Variants in IL1RAP observed in about 807,000 individuals in gnomAD.
The protein encoded by IL1RAP is interleukin-1 receptor accessory protein.
In IL1RAP, 35 loss-of-function variants were observed where a neutral mutation model predicts 60.7. That is an observed-to-expected ratio of 0.58 (90% confidence interval 0.44 to 0.76). The LOEUF is 0.76. IL1RAP is among the 30% of genes least tolerant of loss of function. The pLI, the probability that IL1RAP is intolerant of heterozygous loss-of-function variation, is 0.00. For missense variants in IL1RAP, 572 were observed against 693.9 expected, an observed-to-expected ratio of 0.82 and a Z score of 1.97; for synonymous variants, 268 against 250.9, an observed-to-expected ratio of 1.07 and a Z score of -0.64.
intron 1 of IL1RAP, among the ~76,000 whole-genome samples, chr3:190,525,145 T>A (rs536192063): frequency 6.6e-6 from 1 of 152,122 alleles, no homozygotes; most frequent in Non-Finnish European, 1.5e-5. Context: ...GATGAAAATA[T>A]GTACATATGA....
At chr3:190,520,303 A>T (rs568883521) in intron 1 of IL1RAP, among the ~76,000 whole-genome samples, 7 of 152,126 alleles carry the variant, frequency 4.6e-5, no homozygotes, top group Non-Finnish European at 8.8e-5. Flanking sequence ...GACTTTCTGG[A>T]TTTCTCGTGC....
At chr3:190,645,876 C>T in intron 11 of IL1RAP, 34 bp downstream of exon 11, 1 of 1,575,884 alleles carries the variant, frequency 6.3e-7, no homozygotes, top group Non-Finnish European at 8.7e-7. Flanking sequence ...ATGATGCTAC[C>T]TTGAAAGGCA....
chr3:190,568,334 G>A lies in IL1RAP; in HGVS notation c.64+3981G>A, dbSNP rs190940563. 3.3e-5 allele frequency among the ~76,000 whole-genome samples: 5 copies of A among 152,268 alleles called. No individual in the cohort carries two copies. In the East Asian group the frequency reaches 9.7e-4, roughly 29 times the overall value. ...GGAGGTGGCCCAAGTGCTCATGATA[G>A]CCTGGCTTGCCTGATAGAGCCAGGC... On this transcript the variant is annotated intron_variant, in intron 3 of 11. Coordinates refer to ENST00000447382, the MANE Select transcript of IL1RAP (RefSeq NM_002182.4).
Position 190,614,817 on chromosome 3 carries a change from C to T in IL1RAP, c.538-5458C>T, listed in dbSNP as rs756994164. On this transcript the variant is annotated intron_variant, in intron 5 of 11. Coordinates refer to ENST00000447382, the MANE Select transcript of IL1RAP (RefSeq NM_002182.4). Reference sequence around the variant, plus strand: ...CTAGAACTGATGTAAGGAGGGTGGTCCAGCCTTTACTTTTGGAGCTTAGGA... The same window carrying T: ...CTAGAACTGATGTAAGGAGGGTGGTTCAGCCTTTACTTTTGGAGCTTAGGA... Among the ~76,000 whole-genome samples, 101 of 152,066 alleles carry T rather than the reference C, an allele frequency of 6.6e-4. 1 individual carries two copies. The highest frequency in any genetic ancestry group is 1.2e-3 in the Non-Finnish European group (79 of 68,008).
intron 1 of IL1RAP, chr3:190,518,154 C>T (rs1369604770): frequency 6.6e-6 from 1 of 150,840 alleles, no homozygotes; most frequent in Non-Finnish European, 1.5e-5. Context: ...TTTGGTCTGA[C>T]TTTATTCTAA....
rs1039640362 is a variant in IL1RAP, at chr3:190,559,586, C to T, written c.-2+3370C>T. Among the ~76,000 whole-genome samples, 7 of 152,182 alleles carry T rather than the reference C, an allele frequency of 4.6e-5. No homozygotes were observed. In the South Asian group the frequency reaches 6.2e-4, roughly 14 times the overall value. On this transcript the variant is annotated intron_variant, in intron 2 of 11. Coordinates refer to ENST00000447382, the MANE Select transcript of IL1RAP (RefSeq NM_002182.4). ...TTGGTATGTTTTATTTTATTTTTGTCAAGTTAGAAATATTTTCTAATTTCC... is the reference window on the plus strand; with the variant it reads ...TTGGTATGTTTTATTTTATTTTTGTTAAGTTAGAAATATTTTCTAATTTCC...
chr3:190,627,405 A>C lies in IL1RAP; in HGVS notation c.858A>C (p.Gly286=), dbSNP rs755296387. The change falls in exon 8 of 12, where the codon GGA becomes GGC. Residue 286 remains glycine, a synonymous_variant. Coordinates refer to ENST00000447382, the MANE Select transcript of IL1RAP (RefSeq NM_002182.4). ...SRNEVWWTID[G]KKPDDITIDV... is the part of the protein sequence containing the mutation. ...ATGAGGTTTGGTGGACCATTGATGGAAAAAAACCTGATGACATCACTATTG... is the reference window on the plus strand; with the variant it reads ...ATGAGGTTTGGTGGACCATTGATGGCAAAAAACCTGATGACATCACTATTG... 6.2e-7 allele frequency: 1 copy of C among 1,613,044 alleles called. No homozygotes were observed. Among genetic ancestry groups the C allele is most frequent in the East Asian group, 2.2e-5 (1 of 44,822 alleles).
downstream of IL1RAP, chr3:190,656,000 G>C: frequency 6.5e-7 from 1 of 1,537,168 alleles, no homozygotes; most frequent in Non-Finnish European, 8.7e-7. Context: ...TTTAAACTGG[G>C]TGTCATGTGC....
At chr3:190,546,716 G>A (rs551882631) in intron 1 of IL1RAP, among the ~76,000 whole-genome samples, 2 of 152,282 alleles carry the variant, frequency 1.3e-5, no homozygotes, top group East Asian at 3.9e-4. Context: ...GCAGAGCCAG[G>A]AATTGGTAAT....
intron 1 of IL1RAP, among the ~76,000 whole-genome samples, chr3:190,554,060 CAAAAAAAAAAAAA>C (rs1166716731): frequency 1.0e-4 from 9 of 87,908 alleles, no homozygotes; most frequent in Admixed American, 2.5e-4. Flanking sequence ...GACTCCGTCT[CAAAAAAAAAAAAA>C]AAAAAAAAAA....
At chr3:190,579,065 A>G (rs1001845929) in intron 3 of IL1RAP, among the ~76,000 whole-genome samples, 1 of 152,170 alleles carries the variant, frequency 6.6e-6, no homozygotes, top group Admixed American at 6.5e-5. Context: ...TTATCTACTC[A>G]TTTAAACATA....
chr3:190,534,948 G>A (rs1306460792), intron 1 of IL1RAP, among the ~76,000 whole-genome samples: 1 of 150,016 alleles, frequency 6.7e-6, no homozygotes, highest in Admixed American at 6.6e-5. Context: ...AACCAGCAAA[G>A]TGAAGTGTGG....
chr3:190,594,509 G>C (rs1729214190), intron 3 of IL1RAP, among the ~76,000 whole-genome samples: 1 of 152,188 alleles, frequency 6.6e-6, no homozygotes, highest in Non-Finnish European at 1.5e-5. Flanking sequence ...GGAACCATAG[G>C]AACATGCCAG....
intron 1 of IL1RAP, among the ~76,000 whole-genome samples, chr3:190,528,288 C>T (rs1218833743): frequency 3.3e-5 from 5 of 152,192 alleles, no homozygotes; most frequent in African/African-American, 4.8e-5. Context: ...ATGTCTGGCT[C>T]TCCATTCCCC....
At chr3:190,618,621 T>C (rs1052174744) in intron 5 of IL1RAP, among the ~76,000 whole-genome samples, 2 of 152,190 alleles carry the variant, frequency 1.3e-5, no homozygotes, top group Non-Finnish European at 2.9e-5. Context: ...ACTGTTTAAA[T>C]GAAAAGTACC....
intron 5 of IL1RAP, among the ~76,000 whole-genome samples, chr3:190,616,756 A>T (rs1191518367): frequency 6.6e-6 from 1 of 152,178 alleles, no homozygotes; most frequent in Non-Finnish European, 1.5e-5. Flanking sequence ...TATACACTCG[A>T]TGAGCCCTCA....
At position 190,514,228 on chromosome 3, in the gene IL1RAP, C is replaced by T. The variant is rs1416382679; in HGVS notation, c.-89+9C>T. The T allele has an allele frequency of 1.3e-5, 2 of 152,184 alleles. No homozygotes were observed. Among genetic ancestry groups the T allele is most frequent in the Non-Finnish European group, 2.9e-5 (2 of 68,080 alleles). The allele number at this position is 152,184 out of a possible 1,614,324, so 9.4% of individuals were successfully genotyped here. A position where few individuals can be genotyped will look rare whatever the true frequency, so the allele number is the denominator to read the frequency against. ...TCAGCTTCCCAAGAAAGGTGAGTCT[C>T]GCGCCGCCGTGAGGGCTCAGAAGTC... On this transcript the variant is annotated intron_variant, in intron 1 of 11. Transcript: ENST00000447382.
At chr3:190,544,006 T>C (rs1724162534) in intron 1 of IL1RAP, among the ~76,000 whole-genome samples, 1 of 152,232 alleles carries the variant, frequency 6.6e-6, no homozygotes, top group African/African-American at 2.4e-5. Context: ...GATTTCAGGC[T>C]GTTTTTTATA....
intron 1 of IL1RAP, among the ~76,000 whole-genome samples, chr3:190,522,715 TA>T (rs1266502720): frequency 1.3e-5 from 2 of 152,154 alleles, no homozygotes; most frequent in African/African-American, 4.8e-5. Flanking sequence ...GAAATGAATG[TA>T]ATATTTACCT....
Sources: gnomAD v4.1 joint callset for allele counts (sites outside exome capture counted in the v4.1 genomes callset) on GRCh38, gnomAD v4.1.1 for gene constraint, MANE v1.5 for transcripts, NCBI Gene and HGNC (gene_info 2026-07-23, HGNC 2026-07-21) for gene names.